Variants in LRBA observed in about 807,000 individuals in gnomAD.
The protein encoded by LRBA is lipopolysaccharide-responsive and beige-like anchor protein.
Under a neutral mutation model 330.0 loss-of-function variants are expected in LRBA, and 176 were observed. That is an observed-to-expected ratio of 0.53 (90% CI 0.47 to 0.60). The LOEUF (loss-of-function observed/expected upper bound fraction) is 0.60. Ranked by LOEUF, LRBA falls within the 20% of genes least tolerant of loss-of-function variation. The pLI is 0.00. For synonymous variants in LRBA, 1,230 were observed against 1,193.0 expected, an observed-to-expected ratio of 1.03 and a Z score of -0.64; for missense variants, 3,259 against 3,444.8, an observed-to-expected ratio of 0.95 and a Z score of 1.35.
At chr4:150,535,614 T>C (rs1214659774) in intron 40 of LRBA, among the ~76,000 whole-genome samples, 1 of 152,204 alleles carries the variant, frequency 6.6e-6, no homozygotes, top group South Asian at 2.1e-4. Flanking sequence ...TCAAAAGCTT[T>C]CTCCTTAGCT....
At chr4:150,605,586 A>T (rs1241371982) in intron 37 of LRBA, among the ~76,000 whole-genome samples, 1 of 152,198 alleles carries the variant, frequency 6.6e-6, no homozygotes, top group East Asian at 1.9e-4. Context: ...GACATTAGTT[A>T]CAACTGAAAT....
chr4:150,268,341 C>T (rs941443885), intron 56 of LRBA, among the ~76,000 whole-genome samples: 3 of 152,122 alleles, frequency 2.0e-5, no homozygotes, highest in African/African-American at 7.2e-5. Flanking sequence ...ATGAATTCTA[C>T]CAAACATTTA....
chr4:150,536,789 T>C (rs1364437506), intron 40 of LRBA, among the ~76,000 whole-genome samples: 1 of 152,112 alleles, frequency 6.6e-6, no homozygotes, highest in Non-Finnish European at 1.5e-5. Context: ...GTGAAAGGTC[T>C]CCACAAAGAG....
chr4:150,445,369 CTCTCTCTCTATA>C (rs1190984424), intron 44 of LRBA, among the ~76,000 whole-genome samples: 4 of 84,392 alleles, frequency 4.7e-5, no homozygotes, highest in Non-Finnish European at 7.3e-5. Flanking sequence ...CTCTCTCTCT[CTCTCTCTCTATA>C]TATATATATA....
At position 150,351,951 on chromosome 4, in the gene LRBA, A is replaced by T. The variant is rs539274966; in HGVS notation, c.7195-1792T>A. Among the ~76,000 whole-genome samples the T allele has an allele frequency of 3.3e-5, 5 of 152,302 alleles. No individual in the cohort carries two copies. The East Asian group carries it at 9.6e-4, about 29-fold the overall frequency. ...AAACCATAATAAATGTTATGTAAAT[A>T]TGGTCTCTGTCTCTATCTCAAAGTA... is the stretch of plus-strand genomic sequence containing the variant. On this transcript the variant is annotated intron_variant, in intron 47 of 56. Transcript: ENST00000651943.
intron 48 of LRBA, among the ~76,000 whole-genome samples, chr4:150,341,091 G>A (rs1235055742): frequency 6.6e-6 from 1 of 152,162 alleles, no homozygotes; most frequent in Non-Finnish European, 1.5e-5. Flanking sequence ...CCAGTGGGGA[G>A]AGTATGGTGG....
At chr4:151,000,133 G>C (rs1271370560) in intron 2 of LRBA, among the ~76,000 whole-genome samples, 1 of 152,140 alleles carries the variant, frequency 6.6e-6, no homozygotes, top group Non-Finnish European at 1.5e-5. Flanking sequence ...TCAACTTTAT[G>C]ATGGTGTGAA....
chr4:150,677,769 A>C (rs1416986801), intron 37 of LRBA, among the ~76,000 whole-genome samples: 3 of 151,770 alleles, frequency 2.0e-5, no homozygotes, highest in Non-Finnish European at 4.4e-5. Context: ...ACGCCACTGC[A>C]TCCAGCCTAG....
At chr4:150,442,081 T>C (rs920900366) in intron 44 of LRBA, among the ~76,000 whole-genome samples, 2 of 152,162 alleles carry the variant, frequency 1.3e-5, no homozygotes, top group African/African-American at 2.4e-5. Flanking sequence ...ACTATACTTA[T>C]AGTTATTGAA....
intron 44 of LRBA, among the ~76,000 whole-genome samples, chr4:150,450,701 T>G (rs1211007570): frequency 3.9e-5 from 6 of 152,098 alleles, no homozygotes; most frequent in Admixed American, 3.9e-4. Flanking sequence ...ACCCATAACA[T>G]GTACCCAAAA....
intron 56 of LRBA, among the ~76,000 whole-genome samples, chr4:150,275,323 A>T (rs1746612392): frequency 1.0e-5 from 1 of 99,310 alleles, no homozygotes; most frequent in African/African-American, 3.5e-5. Flanking sequence ...AGCCAATATC[A>T]TACTGAATGG....
intron 35 of LRBA, among the ~76,000 whole-genome samples, chr4:150,757,400 A>C (rs1336598452): frequency 6.6e-6 from 1 of 152,182 alleles, no homozygotes; most frequent in Admixed American, 6.5e-5. Context: ...ACACTCTACA[A>C]GTCTGTTAGA....
intron 42 of LRBA, among the ~76,000 whole-genome samples, chr4:150,479,026 A>C (rs1365582606): frequency 3.3e-5 from 5 of 152,112 alleles, no homozygotes; most frequent in African/African-American, 1.2e-4. Flanking sequence ...GCTCATGCCT[A>C]TAATCCCAGC....
intron 17 of LRBA, among the ~76,000 whole-genome samples, chr4:150,875,443 A>G (rs906781059): frequency 5.3e-5 from 8 of 151,718 alleles, no homozygotes; most frequent in African/African-American, 1.9e-4. Flanking sequence ...ACCACCATGC[A>G]CTACACACAT....
intron 47 of LRBA, among the ~76,000 whole-genome samples, chr4:150,392,286 G>A (rs564413359): frequency 2.0e-5 from 3 of 152,206 alleles, no homozygotes; most frequent in African/African-American, 7.2e-5. Context: ...TACCAACATG[G>A]CCAGTTTCTA....
intron 13 of LRBA, among the ~76,000 whole-genome samples, chr4:150,900,714 A>G (rs1730623486): frequency 1.3e-5 from 2 of 152,188 alleles, no homozygotes; most frequent in South Asian, 4.1e-4. Flanking sequence ...AAAACCACAG[A>G]AAAAGATATA....
intron 40 of LRBA, among the ~76,000 whole-genome samples, chr4:150,495,263 A>G (rs1043245497): frequency 2.0e-5 from 3 of 152,180 alleles, no homozygotes; most frequent in African/African-American, 7.2e-5. Context: ...TCCATAAATA[A>G]CATACCACAT....
At chr4:150,757,911 T>C (rs1734531693) in intron 35 of LRBA, among the ~76,000 whole-genome samples, 1 of 152,072 alleles carries the variant, frequency 6.6e-6, no homozygotes. Flanking sequence ...AAGAAGACAG[T>C]TTCTAACTAT....
rs201227165 is a variant in LRBA, at chr4:150,597,136, A to G, written c.6046+1871T>C. 41 of 1,319,974 alleles carry G rather than the reference A, an allele frequency of 3.1e-5. No homozygotes were observed. The African/African-American group carries it at 5.5e-4, about 18-fold the overall frequency. 81.8% of individuals were successfully genotyped at this position (1,319,974 alleles called of 1,614,324 possible). ...GCACACTAAAACATAGATAATTAACATTGGATTAACCTTTCAATTACTATC... is the reference window on the plus strand; with the variant it reads ...GCACACTAAAACATAGATAATTAACGTTGGATTAACCTTTCAATTACTATC... On this transcript the variant is annotated intron_variant, in intron 38 of 56. Coordinates refer to ENST00000651943, the MANE Select transcript of LRBA (RefSeq NM_001364905.1).
Sources: allele counts gnomAD v4.1 joint callset (sites outside exome capture counted in the v4.1 genomes callset), GRCh38; gene constraint gnomAD v4.1.1; transcripts MANE v1.5; gene names NCBI Gene and HGNC (gene_info 2026-07-23, HGNC 2026-07-21).